Variants in EMC1 observed in about 807,000 individuals in gnomAD.
EMC1 encodes the protein KIAA0090.
EMC1 carries 103 observed loss-of-function variants against 128.8 expected under a neutral mutation model. That is an observed-to-expected ratio of 0.80 (90% CI 0.68 to 0.94). EMC1 has a LOEUF of 0.94. Ranked by LOEUF, EMC1 falls within the 40% of genes least tolerant of loss-of-function variation. The probability of loss-of-function intolerance (pLI) is 0.00; values close to 1 mark genes in which losing one functional copy is unlikely to be tolerated. For synonymous variants in EMC1, 442 were observed against 490.4 expected (o/e 0.90, Z 1.30); for missense variants, 1,083 against 1,250.6 (o/e 0.87, Z 2.02).
Position 19,231,437 on chromosome 1 carries a change from C to T in EMC1, c.1783-15G>A, listed in dbSNP as rs2151947988. ...ATTCCCGACTCCTAAAATGAGCAAACTGTCAGGCTCCACCAACAAGAAAAG... is the reference window on the plus strand; with the variant it reads ...ATTCCCGACTCCTAAAATGAGCAAATTGTCAGGCTCCACCAACAAGAAAAG... On this transcript the variant is annotated splice_polypyrimidine_tract_variant and intron_variant, in intron 15 of 22. Transcript: ENST00000477853. The T allele has an allele frequency of 1.2e-6, 2 of 1,608,200 alleles. No individual in the cohort carries two copies. The highest frequency in any genetic ancestry group is 1.7e-6 in the Non-Finnish European group (2 of 1,178,424).
chr1:19,251,364 G>C (rs962171396), intron 1 of EMC1, 51 bp downstream of exon 1: 2 of 1,493,062 alleles, frequency 1.3e-6, no homozygotes, highest in African/African-American at 1.4e-5. Context: ...TAGGAGACAG[G>C]TACTGGGGAA....
rs771525883 is a variant in EMC1 at position 19,239,922 on chromosome 1, C to A, written c.850G>T (p.Val284Leu). 5.8e-5 allele frequency: 94 copies of A among 1,613,936 alleles called. No homozygotes were observed. Among genetic ancestry groups the A allele is most frequent in the Non-Finnish European group, 7.7e-5 (91 of 1,179,948 alleles). Reference protein sequence around the residue: ...PRVLPTQPNPVDASRAQFFLH... With the variant: ...PRVLPTQPNPLDASRAQFFLH... ...AAGAACTGGGCCCGGGAAGCGTCCA[C>A]TGGGTTGGGCTGGGTAGGCAGGACC... is the stretch of plus-strand genomic sequence containing the variant. Residue 284 changes from valine (V) to leucine (L), a missense_variant, in exon 8 of 23, where the codon GTG becomes TTG. Transcript: ENST00000477853.
chr1:19,243,574 C>A (rs771359264), intron 4 of EMC1, 40 bp downstream of exon 4: 4 of 1,548,796 alleles, frequency 2.6e-6, no homozygotes, highest in East Asian at 2.2e-5. Context: ...TCCGGTGAAG[C>A]CTTTAACTCA....
At position 19,219,481 on chromosome 1, in the gene EMC1, A is replaced by G. The variant is rs2093414437; in HGVS notation, c.2804T>C (p.Val935Ala). ...GTAAATGTCCAAACCATAGGCCACA[A>G]CCTGGAAGGCAGATGGAATAAGAAT... ...APSGLESTCLVVAYGLDIYQT... is the reference protein window; with the variant it reads ...APSGLESTCLAVAYGLDIYQT... Residue 935 changes from valine (V) to alanine (A), a missense_variant and splice_region_variant, in exon 23 of 23, where the codon GTT becomes GCT. By Grantham distance (64) the Val-to-Ala change is moderately conservative. Transcript: ENST00000477853. The G allele has an allele frequency of 6.2e-7, 1 of 1,614,040 alleles. No homozygotes were observed. Among genetic ancestry groups the G allele is most frequent in the Non-Finnish European group, 8.5e-7 (1 of 1,180,016 alleles).
chr1:19,238,826 A>G lies in EMC1; in HGVS notation c.1058T>C (p.Met353Thr), dbSNP rs200708107. 555 of 1,611,952 alleles carry G rather than the reference A, an allele frequency of 3.4e-4. 2 individuals are homozygous for G. The highest frequency in any genetic ancestry group is 1.8e-4 in the Non-Finnish European group (208 of 1,178,114). ...ACTAGACTTCTCCGAAAAGCTCCCCATTGACCCATCTTCAGAACTGCTACT... is the reference window on the plus strand; with the variant it reads ...ACTAGACTTCTCCGAAAAGCTCCCCGTTGACCCATCTTCAGAACTGCTACT... Reference protein sequence around the residue: ...QKSSSSEDGSMGSFSEKSSSK... With the variant: ...QKSSSSEDGSTGSFSEKSSSK... Residue 353 changes from methionine (M) to threonine (T), a missense_variant, in exon 10 of 23, where the codon ATG becomes ACG. By Grantham distance (81) the Met-to-Thr change is moderately conservative. Coordinates refer to ENST00000477853, the MANE Select transcript of EMC1 (RefSeq NM_015047.3).
chr1:19,226,180 T>C (rs1558094931), intron 18 of EMC1, among the ~76,000 whole-genome samples: 1 of 152,210 alleles, frequency 6.6e-6, no homozygotes, highest in Non-Finnish European at 1.5e-5. Context: ...CATTACATTC[T>C]CTCCCATAAC....
At chr1:19,225,375 G>A (rs542331269) in intron 18 of EMC1, among the ~76,000 whole-genome samples, 2 of 152,288 alleles carry the variant, frequency 1.3e-5, no homozygotes, top group South Asian at 4.1e-4. Context: ...TAAGTGCCTG[G>A]GCACGGTGGC....
chr1:19,219,803 CAA>C, intron 21 of EMC1, 105 bp from the exon 22 acceptor site: 1 of 1,320,680 alleles, frequency 7.6e-7, no homozygotes, highest in Non-Finnish European at 1.1e-6. Flanking sequence ...TATCTAGCCT[CAA>C]ATCTCCTAGG....
intron 8 of EMC1, 96 bp from the exon 9 acceptor site, chr1:19,239,398 G>T: frequency 9.2e-7 from 1 of 1,084,898 alleles, no homozygotes; most frequent in Non-Finnish European, 1.4e-6. Flanking sequence ...CTTGGCCTTA[G>T]AGTTGAAAGT....
chr1:19,219,810 C>T (rs1322947941), intron 21 of EMC1, 112 bp from the exon 22 acceptor site: 3 of 1,226,976 alleles, frequency 2.4e-6, no homozygotes, highest in Non-Finnish European at 3.5e-6. Context: ...CCTCAAATCT[C>T]CTAGGAGGTC....
chr1:19,246,344 C>T (rs1270298027), intron 1 of EMC1, among the ~76,000 whole-genome samples: 3 of 152,046 alleles, frequency 2.0e-5, no homozygotes, highest in Admixed American at 6.6e-5. Flanking sequence ...GATCCAAGAT[C>T]GTGTCACTGA....
At chr1:19,240,065 A>G (rs918408769) in intron 7 of EMC1, 80 bp from the exon 8 acceptor site, 2 of 1,436,278 alleles carry the variant, frequency 1.4e-6, no homozygotes, top group East Asian at 2.4e-5. Context: ...CCTCTGCCCT[A>G]CTTTGCCGGG....
At chr1:19,248,286 C>G (rs2093640944) in intron 1 of EMC1, among the ~76,000 whole-genome samples, 1 of 152,216 alleles carries the variant, frequency 6.6e-6, no homozygotes, top group African/African-American at 2.4e-5. Context: ...CAGCCACGAC[C>G]TCCCAGGCTT....
At chr1:19,219,746 G>C in intron 21 of EMC1, 48 bp from the exon 22 acceptor site, 1 of 1,604,734 alleles carries the variant, frequency 6.2e-7, no homozygotes, top group Non-Finnish European at 8.5e-7. Flanking sequence ...GCTGTAAAGG[G>C]ATCTCTTGGC....
chr1:19,220,947 CA>C, intron 20 of EMC1, 99 bp from the exon 21 acceptor site: 11 of 830,062 alleles, frequency 1.3e-5, no homozygotes, highest in Non-Finnish European at 2.1e-5. Context: ...GAATTTAAAA[CA>C]AAAAAATGGG....
chr1:19,222,894 T>C, intron 19 of EMC1, 60 bp from the exon 20 acceptor site: 1 of 1,364,996 alleles, frequency 7.3e-7, no homozygotes, highest in Non-Finnish European at 1.0e-6. Context: ...GAAAGGGAAA[T>C]TGCACTGGAA....
intron 19 of EMC1, chr1:19,223,091 T>A: frequency 1.8e-6 from 1 of 559,912 alleles, no homozygotes; most frequent in Non-Finnish European, 3.2e-6. Flanking sequence ...TTTGAATCAT[T>A]ACTAGGTGCC....
At chr1:19,250,006 T>G (rs1353371592) in intron 1 of EMC1, among the ~76,000 whole-genome samples, 1 of 151,770 alleles carries the variant, frequency 6.6e-6, no homozygotes, top group Admixed American at 6.6e-5. Flanking sequence ...TTACCTGAGA[T>G]CGGGAGTTTG....
intron 1 of EMC1, among the ~76,000 whole-genome samples, chr1:19,245,491 T>A (rs2093627739): frequency 1.3e-5 from 2 of 152,114 alleles, no homozygotes; most frequent in Non-Finnish European, 2.9e-5. Context: ...AAGCAAGATT[T>A]CCATTCAATG....
Sources: allele counts gnomAD v4.1 joint callset (sites outside exome capture counted in the v4.1 genomes callset), GRCh38; gene constraint gnomAD v4.1.1; transcripts MANE v1.5; gene names NCBI Gene and HGNC (gene_info 2026-07-23, HGNC 2026-07-21).